Variants in OGFOD1 observed in about 807,000 individuals in gnomAD.
OGFOD1 encodes the protein prolyl 3-hydroxylase OGFOD1.
A neutral mutation model predicts 67.7 loss-of-function variants in OGFOD1; 54 were observed. That is an observed-to-expected ratio of 0.80 (90% CI 0.64 to 1.00). The LOEUF is 1.00. Among genes scored for constraint, OGFOD1 ranks in the 50% least tolerant of loss-of-function variants. OGFOD1 has a pLI of 0.00. For missense variants in OGFOD1, 606 were observed against 646.7 expected, an observed-to-expected ratio of 0.94 and a Z score of 0.68; for synonymous variants, 221 against 227.0, an observed-to-expected ratio of 0.97 and a Z score of 0.24.
At chr16:56,470,288 A>T in intron 9 of OGFOD1, 199 bp from the exon 10 acceptor site, 1 of 658,498 alleles carries the variant, frequency 1.5e-6, no homozygotes, top group East Asian at 2.7e-5. Context: ...TGCCCTAATG[A>T]TGTTTTGTTC....
intron 8 of OGFOD1, among the ~76,000 whole-genome samples, chr16:56,469,573 G>A (rs560018611): frequency 3.2e-4 from 48 of 152,100 alleles, no homozygotes; most frequent in African/African-American, 1.1e-3. Flanking sequence ...AGTGAGAGTC[G>A]GCCAGGCGCA....
intron 4 of OGFOD1, among the ~76,000 whole-genome samples, chr16:56,465,336 T>A (rs1296290288): frequency 1.3e-5 from 2 of 152,192 alleles, no homozygotes; most frequent in Non-Finnish European, 2.9e-5. Flanking sequence ...ACTATAGATA[T>A]AGGAAACTGA....
rs773082537 is a variant in OGFOD1, at chr16:56,451,602, C to T, written c.-11C>T. ...TGATCTGCGTGGCGTGGTTCTGTGCCTTGGGAAGAGATGAATGGGAAGCGG... is the reference window on the plus strand; with the variant it reads ...TGATCTGCGTGGCGTGGTTCTGTGCTTTGGGAAGAGATGAATGGGAAGCGG... On this transcript the variant is annotated 5_prime_UTR_variant, in exon 1 of 13. Transcript: ENST00000566157. 6.2e-7 allele frequency: 1 copy of T among 1,613,238 alleles called. No individual in the cohort carries two copies. Among genetic ancestry groups the T allele is most frequent in the Non-Finnish European group, 8.5e-7 (1 of 1,179,934 alleles).
chr16:56,454,702 AT>A, intron 2 of OGFOD1: 2 of 369,388 alleles, frequency 5.4e-6, no homozygotes, highest in South Asian at 1.9e-5. Context: ...TTTTTTTTGC[AT>A]TTTCCCATTT....
chr16:56,472,404 T>A (rs1963241175), intron 10 of OGFOD1, among the ~76,000 whole-genome samples: 1 of 152,130 alleles, frequency 6.6e-6, no homozygotes, highest in Non-Finnish European at 1.5e-5. Flanking sequence ...GGGCCTTGGG[T>A]GAAAGCAGAG....
rs1963577162 is a variant in OGFOD1 at position 56,478,549 on chromosome 16, A to G, written c.*2344A>G. The G allele has an allele frequency of 6.6e-6, 1 of 152,204 alleles. No homozygotes were observed. The highest frequency in any genetic ancestry group is 2.4e-5 in the African/African-American group (1 of 41,438). The allele number at this position is 152,204 out of a possible 1,614,324, so 9.4% of individuals were successfully genotyped here. ...GTTGAGGGGAAAGGGTGTCAGTGGCATAACTTCAGGAAGACCCAGGGAAAA... is the reference window on the plus strand; with the variant it reads ...GTTGAGGGGAAAGGGTGTCAGTGGCGTAACTTCAGGAAGACCCAGGGAAAA... On this transcript the variant is annotated 3_prime_UTR_variant, in exon 13 of 13. Coordinates refer to ENST00000566157, the MANE Select transcript of OGFOD1 (RefSeq NM_018233.4).
chr16:56,470,853 T>TCA (rs1963138569), intron 10 of OGFOD1, 62 bp downstream of exon 10: 2 of 1,435,046 alleles, frequency 1.4e-6, no homozygotes, highest in East Asian at 2.4e-5. Context: ...AAACATGTAT[T>TCA]CATTCAACAA....
intron 2 of OGFOD1, chr16:56,458,227 CTTT>C (rs1567545958): frequency 3.6e-6 from 1 of 278,316 alleles, no homozygotes; most frequent in African/African-American, 2.2e-5. Flanking sequence ...CCCTGGGTTT[CTTT>C]TTTTCCTTTA....
rs1407155884 is a variant in OGFOD1 at position 56,474,724 on chromosome 16, G to C, written c.1286-104G>C. On this transcript the variant is annotated intron_variant, in intron 10 of 12. Coordinates refer to ENST00000566157, the MANE Select transcript of OGFOD1 (RefSeq NM_018233.4). ...CTTCAATCAAAGGTTTGTGGGAATG[G>C]TTTCCCTGTGTTGCTGTATCATTCC... The C allele has an allele frequency of 3.6e-6, 3 of 824,980 alleles. No individual in the cohort carries two copies. The East Asian group carries it at 8.1e-5, about 22-fold the overall frequency. The allele number at this position is 824,980 out of a possible 1,614,324, so 51.1% of individuals were successfully genotyped here.
chr16:56,472,341 A>G (rs575841316), intron 10 of OGFOD1, among the ~76,000 whole-genome samples: 7 of 152,304 alleles, frequency 4.6e-5, no homozygotes, highest in African/African-American at 1.7e-4. Context: ...TAAAATCTAT[A>G]TGGGCAGCCA....
In OGFOD1 at chr16:56,453,272, T is replaced by C. The variant is rs1176218372; in HGVS notation, c.164T>C (p.Val55Ala). The change falls in exon 2 of 13, where the codon GTC becomes GCC. Residue 55 changes from valine to alanine, a missense_variant. Physicochemically the swap from Val to Ala is moderately conservative, Grantham distance 64. Coordinates refer to ENST00000566157, the MANE Select transcript of OGFOD1 (RefSeq NM_018233.4). Reference sequence around the variant, plus strand: ...GTTTTTCTTCCAACAGAAGTCATTGTCATGGACATGGACCCTTTTCTTCAC... The same window carrying C: ...GTTTTTCTTCCAACAGAAGTCATTGCCATGGACATGGACCCTTTTCTTCAC... Reference protein sequence around the residue: ...RRTPFSHEVIVMDMDPFLHCV... With the variant: ...RRTPFSHEVIAMDMDPFLHCV... 2.5e-6 allele frequency: 4 copies of C among 1,607,484 alleles called. No homozygotes were observed. The African/African-American group carries it at 5.4e-5, about 22-fold the overall frequency.
chr16:56,466,581 G>C (rs1415751415), intron 5 of OGFOD1, among the ~76,000 whole-genome samples: 3 of 152,180 alleles, frequency 2.0e-5, no homozygotes, highest in Non-Finnish European at 4.4e-5. Context: ...AATCTGCCAG[G>C]ACCAGTCCAT....
intron 12 of OGFOD1, 150 bp from the exon 13 acceptor site, chr16:56,475,894 G>T: frequency 1.4e-6 from 1 of 697,400 alleles, no homozygotes. Flanking sequence ...AAAATGGCTT[G>T]ACAGCCACCC....
rs530780003 is a variant in OGFOD1 at position 56,478,804 on chromosome 16, G to A, written c.*2599G>A. ...ATACACTACAAAAAGGGACTCGGGT[G>A]TCTGAGGGGAGAGAATCCCTAGGAG... is the stretch of plus-strand genomic sequence containing the variant. On this transcript the variant is annotated 3_prime_UTR_variant, in exon 13 of 13. Coordinates refer to ENST00000566157, the MANE Select transcript of OGFOD1 (RefSeq NM_018233.4). 2 of 152,324 alleles carry A rather than the reference G, an allele frequency of 1.3e-5. No individual in the cohort carries two copies. The highest frequency in any genetic ancestry group is 1.9e-4 in the East Asian group (1 of 5,190). 9.4% of individuals were successfully genotyped at this position (152,324 alleles called of 1,614,324 possible).
At chr16:56,470,943 G>A (rs1415848780) in intron 10 of OGFOD1, 152 bp downstream of exon 10, 2 of 722,142 alleles carry the variant, frequency 2.8e-6, no homozygotes, top group African/African-American at 1.8e-5. Context: ...CTGGTCTTTG[G>A]GAGCTTACAT....
rs529198974 is a variant in OGFOD1 at position 56,452,944 on chromosome 16, G to A, written c.155-319G>A. Among the ~76,000 whole-genome samples, 4 of 152,184 alleles carry A rather than the reference G, an allele frequency of 2.6e-5. No individual in the cohort carries two copies. The South Asian group carries it at 8.3e-4, about 32-fold the overall frequency. ...GTGCTACCCAAAGTTTGAGGGAAAT[G>A]AATTAAAAATCTAAAATACATTCAA... On this transcript the variant is annotated intron_variant, in intron 1 of 12. Coordinates refer to ENST00000566157, the MANE Select transcript of OGFOD1 (RefSeq NM_018233.4).
At chr16:56,466,515 C>G (rs1194428822) in intron 5 of OGFOD1, among the ~76,000 whole-genome samples, 3 of 152,150 alleles carry the variant, frequency 2.0e-5, no homozygotes. Context: ...TCAGACCAAG[C>G]TTCTGAATAC....
chr16:56,461,784 GAAGTA>G (rs1291774967), intron 3 of OGFOD1, among the ~76,000 whole-genome samples: 1 of 152,164 alleles, frequency 6.6e-6, no homozygotes, highest in African/African-American at 2.4e-5. Flanking sequence ...CATTGGAAGT[GAAGTA>G]AAGTGTGTAA....
chr16:56,468,593 G>A (rs1388793243), intron 8 of OGFOD1, among the ~76,000 whole-genome samples: 1 of 152,120 alleles, frequency 6.6e-6, no homozygotes. Context: ...GGGCATGGTG[G>A]CATGCACCTG....
Sources: allele counts gnomAD v4.1 joint callset (sites outside exome capture counted in the v4.1 genomes callset), GRCh38; gene constraint gnomAD v4.1.1; transcripts MANE v1.5; gene names NCBI Gene and HGNC (gene_info 2026-07-23, HGNC 2026-07-21).